The following BNC2 variants were observed in gnomAD, a reference collection of about 807,000 sequenced individuals.
BNC2 encodes zinc finger protein basonuclin-2.
BNC2 carries 20 observed loss-of-function variants against 76.3 expected under a neutral mutation model. The observed-to-expected ratio is 0.26, with a 90% CI of 0.18 to 0.38. The LOEUF (loss-of-function observed/expected upper bound fraction) is 0.38, where lower values mean the gene tolerates loss of function less well. BNC2 is among the 10% of genes least tolerant of loss of function. BNC2 has a pLI of 1.00. For missense variants in BNC2, 1,382 were observed against 1,399.8 expected (o/e 0.99, Z 0.20); for synonymous variants, 582 against 514.8 (o/e 1.13, Z -1.77).
chr9:16,429,788 A>G (rs910646519), intron 6 of BNC2: 44 of 364,340 alleles, frequency 1.2e-4, no homozygotes, highest in Non-Finnish European at 1.9e-4. Context: ...TTTGTGGTCT[A>G]TTTGGTGCAC....
chr9:16,667,101 A>ACACACACACACG (rs1554703003), intron 3 of BNC2, among the ~76,000 whole-genome samples: 2 of 148,770 alleles, frequency 1.3e-5, no homozygotes, highest in African/African-American at 5.2e-5. Context: ...ACACACACAC[A>ACACACACACACG]CACACACGCA....
chr9:16,859,480 G>A (rs934036526), intron 1 of BNC2, among the ~76,000 whole-genome samples: 2 of 152,216 alleles, frequency 1.3e-5, no homozygotes, highest in Admixed American at 1.3e-4. Context: ...TAAAGAAAAT[G>A]TGGTATATAC....
intron 6 of BNC2, among the ~76,000 whole-genome samples, chr9:16,425,196 C>G (rs1467443386): frequency 6.6e-6 from 1 of 152,206 alleles, no homozygotes; most frequent in Non-Finnish European, 1.5e-5. Flanking sequence ...ATACTAGTCA[C>G]GCAGACAGTT....
At position 16,559,279 on chromosome 9, in the gene BNC2, A is replaced by T. The variant is rs147945714; in HGVS notation, c.434-6514T>A. 2.0e-5 allele frequency among the ~76,000 whole-genome samples: 3 copies of T among 151,830 alleles called. No homozygotes were observed. The East Asian group carries it at 5.8e-4, about 30-fold the overall frequency. ...TTCTTAAATGAGATTTTTTTTTGCC[A>T]TTTATTTTTAGTTTATCAGCTATCG... On this transcript the variant is annotated intron_variant, in intron 4 of 6. Transcript: ENST00000380672.
intron 1 of BNC2, among the ~76,000 whole-genome samples, chr9:16,843,616 G>A (rs1296085364): frequency 6.6e-6 from 1 of 152,264 alleles, no homozygotes; most frequent in East Asian, 1.9e-4. Context: ...TTACAGGCGT[G>A]AGCCACCATG....
At chr9:16,429,438 GATTCACACC>G (rs1554632952) in intron 6 of BNC2, 6 of 153,032 alleles carry the variant, frequency 3.9e-5, no homozygotes, top group Non-Finnish European at 8.7e-5. Context: ...ATATAAGAAA[GATTCACACC>G]AATAAAGTCT....
chr9:16,799,289 T>G (rs1332401198), intron 1 of BNC2, among the ~76,000 whole-genome samples: 1 of 152,164 alleles, frequency 6.6e-6, no homozygotes, highest in Non-Finnish European at 1.5e-5. Flanking sequence ...TTTCCTTTTC[T>G]GCAGAAAGTA....
At chr9:16,484,616 G>A (rs1013841552) in intron 5 of BNC2, among the ~76,000 whole-genome samples, 1 of 152,216 alleles carries the variant, frequency 6.6e-6, no homozygotes, top group Non-Finnish European at 1.5e-5. Context: ...TGGCTGGCAT[G>A]CAAGTGGTTC....
intron 1 of BNC2, among the ~76,000 whole-genome samples, chr9:16,859,454 T>C (rs913313936): frequency 2.0e-5 from 3 of 152,198 alleles, no homozygotes; most frequent in Non-Finnish European, 2.9e-5. Flanking sequence ...TAAATGTCTA[T>C]CTACAGATGA....
intron 3 of BNC2, among the ~76,000 whole-genome samples, chr9:16,725,589 C>T (rs1246456203): frequency 6.6e-6 from 1 of 152,040 alleles, no homozygotes; most frequent in Non-Finnish European, 1.5e-5. Flanking sequence ...TCATAAATAG[C>T]ATAATATTAT....
intron 5 of BNC2, among the ~76,000 whole-genome samples, chr9:16,541,160 A>G (rs1563831611): frequency 6.6e-6 from 1 of 152,234 alleles, no homozygotes; most frequent in Non-Finnish European, 1.5e-5. Context: ...TGAATGAATA[A>G]CACACTGACC....
intron 3 of BNC2, among the ~76,000 whole-genome samples, chr9:16,593,179 A>G (rs552378023): frequency 1.0e-3 from 157 of 152,252 alleles, no homozygotes; most frequent in African/African-American, 3.6e-3. Context: ...AAATTATTTC[A>G]GCAAAAGCCA....
intron 5 of BNC2, among the ~76,000 whole-genome samples, chr9:16,441,956 C>T (rs965563223): frequency 6.6e-6 from 1 of 152,174 alleles, no homozygotes; most frequent in Non-Finnish European, 1.5e-5. Flanking sequence ...TACCGACCAA[C>T]TCATGCTGGG....
intron 1 of BNC2, among the ~76,000 whole-genome samples, chr9:16,826,738 T>C (rs1405919818): frequency 1.3e-5 from 2 of 152,154 alleles, no homozygotes; most frequent in Non-Finnish European, 2.9e-5. Flanking sequence ...AAGTGGACAA[T>C]AGCTCTGTGC....
intron 3 of BNC2, among the ~76,000 whole-genome samples, chr9:16,608,628 C>T (rs917351592): frequency 1.6e-4 from 25 of 152,122 alleles, no homozygotes; most frequent in Non-Finnish European, 2.8e-4. Context: ...GCCTCAGCCT[C>T]CCAAGTACCT....
At chr9:16,540,528 T>C (rs1473362390) in intron 5 of BNC2, among the ~76,000 whole-genome samples, 1 of 152,186 alleles carries the variant, frequency 6.6e-6, no homozygotes, top group African/African-American at 2.4e-5. Context: ...TCTCAAATCC[T>C]TAAAATAATT....
chr9:16,831,736 G>C (rs1485017779), intron 1 of BNC2, among the ~76,000 whole-genome samples: 1 of 152,146 alleles, frequency 6.6e-6, no homozygotes, highest in African/African-American at 2.4e-5. Flanking sequence ...TCTACTGTGT[G>C]TTTTAAAAAC....
chr9:16,658,084 G>A (rs1489773046), intron 3 of BNC2, among the ~76,000 whole-genome samples: 1 of 152,108 alleles, frequency 6.6e-6, no homozygotes, highest in East Asian at 1.9e-4. Flanking sequence ...GGTAGAAGGA[G>A]ATCCTAATTT....
intron 1 of BNC2, among the ~76,000 whole-genome samples, chr9:16,753,940 T>C (rs952657841): frequency 2.6e-5 from 4 of 152,198 alleles, no homozygotes; most frequent in Non-Finnish European, 5.9e-5. Flanking sequence ...CTGTGAAGCC[T>C]CCATATGCCA....
Sources: allele counts gnomAD v4.1 joint callset (sites outside exome capture counted in the v4.1 genomes callset), GRCh38; gene constraint gnomAD v4.1.1; transcripts MANE v1.5; gene names NCBI Gene and HGNC (gene_info 2026-07-23, HGNC 2026-07-21).